Variants in FARS2 observed in about 807,000 individuals in gnomAD.
FARS2 encodes the protein phenylalanine--tRNA ligase, mitochondrial.
FARS2 carries 40 observed loss-of-function variants against 46.4 expected under a neutral mutation model. That is an observed-to-expected ratio of 0.86 (90% CI 0.67 to 1.12). FARS2 has a LOEUF of 1.12. Ranked by LOEUF, FARS2 falls within the 50% of genes most tolerant of loss-of-function variation. The pLI is 0.00. For synonymous variants in FARS2, 234 were observed against 214.9 expected, an observed-to-expected ratio of 1.09 and a Z score of -0.78; for missense variants, 513 against 567.9, an observed-to-expected ratio of 0.90 and a Z score of 0.98.
chr6:5,762,533 G>C lies in FARS2; in HGVS notation c.1218-8758G>C, dbSNP rs563437669. Among the ~76,000 whole-genome samples, 25 of 152,354 alleles carry C rather than the reference G, an allele frequency of 1.6e-4. 1 individual carries two copies. Among genetic ancestry groups the C allele is most frequent in the Non-Finnish European group, 1.6e-4 (11 of 68,036 alleles). ...GGGAAGTACCAGGAGAAGTCACAGGGAGTGATGGGAATAAAAACCTGGGGG... is the reference window on the plus strand; with the variant it reads ...GGGAAGTACCAGGAGAAGTCACAGGCAGTGATGGGAATAAAAACCTGGGGG... On this transcript the variant is annotated intron_variant, in intron 6 of 6. Transcript: ENST00000274680.
chr6:5,758,375 C>G (rs760475629), intron 6 of FARS2, among the ~76,000 whole-genome samples: 1 of 152,152 alleles, frequency 6.6e-6, no homozygotes, highest in Non-Finnish European at 1.5e-5. Context: ...AATGAAGTCT[C>G]CCTTTTATAG....
At chr6:5,628,968 T>A (rs564477574) in intron 6 of FARS2, among the ~76,000 whole-genome samples, 8 of 152,350 alleles carry the variant, frequency 5.3e-5, no homozygotes, top group African/African-American at 1.9e-4. Flanking sequence ...TCAGCTTCCC[T>A]CTGAGAGAAC....
chr6:5,317,480 ATAAAT>A (rs1168649403), intron 1 of FARS2, among the ~76,000 whole-genome samples: 1 of 152,186 alleles, frequency 6.6e-6, no homozygotes, highest in Non-Finnish European at 1.5e-5. Flanking sequence ...TCCTGTAAAC[ATAAAT>A]TAATACCAGG....
intron 5 of FARS2, among the ~76,000 whole-genome samples, chr6:5,590,992 G>A (rs1007326658): frequency 2.6e-5 from 4 of 152,138 alleles, no homozygotes; most frequent in African/African-American, 4.8e-5. Flanking sequence ...GTGATATGGT[G>A]TAAATTATGC....
chr6:5,539,394 A>ATATATATATATATATATATATATATG (rs1770451679), intron 4 of FARS2, among the ~76,000 whole-genome samples: 1 of 140,556 alleles, frequency 7.1e-6, no homozygotes, highest in Non-Finnish European at 1.5e-5. Context: ...GTATATATAT[A>ATATATATATATATATATATATATATG]TATATGTATA....
At chr6:5,608,701 T>A (rs2150660316) in intron 5 of FARS2, among the ~76,000 whole-genome samples, 1 of 152,220 alleles carries the variant, frequency 6.6e-6, no homozygotes, top group Non-Finnish European at 1.5e-5. Flanking sequence ...AATGGTGAAC[T>A]TCAGATCGCA....
chr6:5,289,317 A>G (rs756568174), intron 1 of FARS2, among the ~76,000 whole-genome samples: 5 of 152,230 alleles, frequency 3.3e-5, no homozygotes, highest in Non-Finnish European at 7.3e-5. Flanking sequence ...TACTGGAGGA[A>G]GGTGTCCAGG....
chr6:5,262,038 CT>C lies in FARS2; in HGVS notation c.-22+382del, dbSNP rs1232176039. Among the ~76,000 whole-genome samples, 7 of 152,328 alleles carry C rather than the reference CT, an allele frequency of 4.6e-5. No individual in the cohort carries two copies. In the East Asian group the frequency reaches 9.6e-4, roughly 21 times the overall value. On this transcript the variant is annotated intron_variant, in intron 1 of 6. Coordinates refer to ENST00000274680, the MANE Select transcript of FARS2 (RefSeq NM_006567.5). ...TCCTAGTTACTGTGTTTGCAAAGCA[CT>C]TTTCTTGTTTTTGGAATCTTGCTTT... is the stretch of plus-strand genomic sequence containing the variant.
intron 1 of FARS2, among the ~76,000 whole-genome samples, chr6:5,365,781 A>AT (rs1156956456): frequency 2.0e-5 from 3 of 152,164 alleles, no homozygotes; most frequent in Non-Finnish European, 4.4e-5. Context: ...AACATAAACA[A>AT]TTGATTAACA....
intron 6 of FARS2, among the ~76,000 whole-genome samples, chr6:5,626,435 C>T (rs549453712): frequency 2.0e-5 from 3 of 152,252 alleles, no homozygotes; most frequent in African/African-American, 4.8e-5. Flanking sequence ...CCCATTGGGC[C>T]CCCAGGGGAC....
intron 4 of FARS2, among the ~76,000 whole-genome samples, chr6:5,454,492 A>G (rs1360203270): frequency 6.6e-5 from 10 of 151,784 alleles, no homozygotes; most frequent in Admixed American, 6.6e-4. Context: ...TTACAGGTGC[A>G]TGCTACCATG....
chr6:5,605,988 A>C (rs993967622), intron 5 of FARS2, among the ~76,000 whole-genome samples: 2 of 152,184 alleles, frequency 1.3e-5, no homozygotes, highest in Non-Finnish European at 2.9e-5. Context: ...TTACTGAAGA[A>C]TTCACCCAGA....
At chr6:5,549,941 G>A (rs962339796) in intron 5 of FARS2, among the ~76,000 whole-genome samples, 5 of 152,098 alleles carry the variant, frequency 3.3e-5, no homozygotes, top group Non-Finnish European at 7.4e-5. Flanking sequence ...AATATCATCA[G>A]CCCCTAAGTC....
At chr6:5,341,235 ATTTTTTTTTTTT>A (rs70974193) in intron 1 of FARS2, among the ~76,000 whole-genome samples, 2 of 10,272 alleles carry the variant, frequency 1.9e-4, no homozygotes, top group African/African-American at 5.2e-4. Flanking sequence ...ATATATATAT[ATTTTTTTTTTTT>A]TTTTTTTTTT....
chr6:5,389,433 C>A (rs1221592017), intron 2 of FARS2, among the ~76,000 whole-genome samples: 1 of 152,174 alleles, frequency 6.6e-6, no homozygotes, highest in Non-Finnish European at 1.5e-5. Flanking sequence ...CTCAATCTGT[C>A]TACTGAAACG....
chr6:5,745,674 G>A (rs958804803), intron 6 of FARS2, among the ~76,000 whole-genome samples: 3 of 152,142 alleles, frequency 2.0e-5, no homozygotes, highest in Admixed American at 2.0e-4. Flanking sequence ...AAGGAGCTGG[G>A]ACTACAAGGC....
chr6:5,303,227 A>G (rs1768449084), intron 1 of FARS2, among the ~76,000 whole-genome samples: 1 of 152,018 alleles, frequency 6.6e-6, no homozygotes, highest in Non-Finnish European at 1.5e-5. Flanking sequence ...AAGTGAAGGT[A>G]TAGAGGAGAG....
chr6:5,578,296 C>T (rs1255058449), intron 5 of FARS2, among the ~76,000 whole-genome samples: 2 of 152,054 alleles, frequency 1.3e-5, no homozygotes, highest in Non-Finnish European at 2.9e-5. Flanking sequence ...CCCATAGCAG[C>T]TTAGACTGTG....
intron 6 of FARS2, among the ~76,000 whole-genome samples, chr6:5,662,195 C>A (rs1489276098): frequency 1.3e-5 from 2 of 152,068 alleles, no homozygotes; most frequent in African/African-American, 4.8e-5. Context: ...TATTTTCATT[C>A]TTTTTTTCTT....
Sources: allele counts gnomAD v4.1 joint callset (sites outside exome capture counted in the v4.1 genomes callset), GRCh38; gene constraint gnomAD v4.1.1; transcripts MANE v1.5; gene names NCBI Gene and HGNC (gene_info 2026-07-23, HGNC 2026-07-21).